The following UGT2B17 variants were observed in gnomAD, a reference collection of about 807,000 sequenced individuals.
UGT2B17 encodes UDP glucuronosyltransferase family 2 member B17.
In UGT2B17, 21 loss-of-function variants were observed where a neutral mutation model predicts 48.2. That is an observed-to-expected ratio of 0.44 (90% confidence interval 0.31 to 0.63). The LOEUF (loss-of-function observed/expected upper bound fraction) is 0.63. UGT2B17 is among the 20% of genes least tolerant of loss of function. UGT2B17 has a pLI of 0.08. For missense variants in UGT2B17, 402 were observed against 696.1 expected, an observed-to-expected ratio of 0.58 and a Z score of 4.75; for synonymous variants, 146 against 238.4, an observed-to-expected ratio of 0.61 and a Z score of 3.57.
chr4:68,549,471 A>C lies in UGT2B17; in HGVS notation c.1313+1206T>G, dbSNP rs1356503295. ...GAATCCATAATAAGGTAAATAGAAAAATGACAAAATGTTCACAAGATTAAA... is the reference window on the plus strand; with the variant it reads ...GAATCCATAATAAGGTAAATAGAAACATGACAAAATGTTCACAAGATTAAA... On this transcript the variant is annotated intron_variant, in intron 6 of 6. Coordinates refer to ENST00000317746, the MANE Select transcript of UGT2B17 (RefSeq NM_001077.4). 2.4e-5 allele frequency among the ~76,000 whole-genome samples: 3 copies of C among 125,670 alleles called. 1 individual carries two copies. Among genetic ancestry groups the C allele is most frequent in the African/African-American group, 8.1e-5 (3 of 36,922 alleles). 82.4% of individuals were successfully genotyped at this position (125,670 alleles called of 152,430 possible).
In UGT2B17 at chr4:68,545,504, A is replaced by G. The variant is rs1444330166; in HGVS notation, c.1313+5173T>C. Among the ~76,000 whole-genome samples, 10 of 125,786 alleles carry G rather than the reference A, an allele frequency of 8.0e-5. 3 individuals are homozygous for G. Among genetic ancestry groups the G allele is most frequent in the Non-Finnish European group, 1.3e-4 (8 of 59,592 alleles). 82.5% of individuals were successfully genotyped at this position (125,786 alleles called of 152,430 possible). On this transcript the variant is annotated intron_variant, in intron 6 of 6. Transcript: ENST00000317746. ...TCTAAAATTGACACCCTAACGTCAC[A>G]ATTAAAAGAACTAGAGAAGCAAGAG...
chr4:68,545,854 C>A (rs1730792665), intron 6 of UGT2B17, among the ~76,000 whole-genome samples: 1 of 125,696 alleles, frequency 8.0e-6, no homozygotes, highest in Non-Finnish European at 1.7e-5. Flanking sequence ...GACACACACA[C>A]CCTCCCAAGA....
rs1479827918 is a variant in UGT2B17, at chr4:68,576,113, G to A, written c.-227C>T. Among the ~76,000 whole-genome samples the A allele has an allele frequency of 3.2e-4, 40 of 124,792 alleles. 7 individuals are homozygous for A. The highest frequency in any genetic ancestry group is 9.1e-4 in the African/African-American group (33 of 36,330). 81.9% of individuals were successfully genotyped at this position (124,792 alleles called of 152,430 possible). On this transcript the variant is annotated 5_prime_UTR_variant, in exon 1 of 7. Coordinates refer to ENST00000317746, the MANE Select transcript of UGT2B17 (RefSeq NM_001077.4). ...TTGGATCTCATCACTCAGGCTGCCC[G>A]GAGTACCCCACAGGGATGCTCCACA...
At chr4:68,557,029 T>C (rs1731014085) in intron 4 of UGT2B17, among the ~76,000 whole-genome samples, 1 of 125,594 alleles carries the variant, frequency 8.0e-6, no homozygotes. Flanking sequence ...CAGGGAACAT[T>C]GTCAAACATG....
chr4:68,561,816 G>A lies in UGT2B17; in HGVS notation c.874-1148C>T, dbSNP rs1162928860. Among the ~76,000 whole-genome samples, 4 of 120,128 alleles carry A rather than the reference G, an allele frequency of 3.3e-5. 1 individual carries two copies. Among genetic ancestry groups the A allele is most frequent in the Non-Finnish European group, 6.9e-5 (4 of 57,912 alleles). 78.8% of individuals were successfully genotyped at this position (120,128 alleles called of 152,430 possible). ...AAAAAAAAAAAGAAAAAGAAAGAGA[G>A]AAAGAGGAAAAGAAATGTAGACTCA... On this transcript the variant is annotated intron_variant, in intron 3 of 6. Coordinates refer to ENST00000317746, the MANE Select transcript of UGT2B17 (RefSeq NM_001077.4).
intron 4 of UGT2B17, among the ~76,000 whole-genome samples, chr4:68,556,260 T>G (rs1730998163): frequency 8.5e-6 from 1 of 117,860 alleles, no homozygotes; most frequent in Admixed American, 8.5e-5. Flanking sequence ...TCTTAAAATA[T>G]TATGAGTTTT....
intron 1 of UGT2B17, among the ~76,000 whole-genome samples, chr4:68,572,582 G>A (rs180898340): frequency 0.041 from 5,209 of 126,142 alleles, 1,209 homozygotes; most frequent in African/African-American, 0.13. Flanking sequence ...ACGATTATGA[G>A]GGCGTGATCA....
intron 4 of UGT2B17, among the ~76,000 whole-genome samples, chr4:68,559,247 T>C (rs1371737573): frequency 8.0e-6 from 1 of 125,726 alleles, no homozygotes; most frequent in African/African-American, 2.7e-5. Context: ...ACTGCACATA[T>C]GGTGAGAAAT....
At position 68,565,026 on chromosome 4, in the gene UGT2B17, T is replaced by A. The variant is rs1257152357; in HGVS notation, c.873+546A>T. Among the ~76,000 whole-genome samples, 2 of 126,166 alleles carry A rather than the reference T, an allele frequency of 1.6e-5. 1 individual carries two copies. Among genetic ancestry groups the A allele is most frequent in the Non-Finnish European group, 3.4e-5 (2 of 59,510 alleles). 82.8% of individuals were successfully genotyped at this position (126,166 alleles called of 152,430 possible). On this transcript the variant is annotated intron_variant, in intron 3 of 6. Coordinates refer to ENST00000317746, the MANE Select transcript of UGT2B17 (RefSeq NM_001077.4). ...CCTGGCCTCTGGTTTTCTTTTTGGG[T>A]CTTTCTCATCCCCTCATCGTTTCAC...
In UGT2B17 at chr4:68,567,749, C is replaced by T; in HGVS notation, c.724+12G>A. 1 of 1,303,234 alleles carries T rather than the reference C, an allele frequency of 7.7e-7. No individual in the cohort carries two copies. The highest frequency in any genetic ancestry group is 9.8e-7 in the Non-Finnish European group (1 of 1,020,152). The allele number at this position is 1,303,234 out of a possible 1,614,324, so 80.7% of individuals were successfully genotyped here. A position where few individuals can be genotyped will look rare whatever the true frequency, so the allele number is the denominator to read the frequency against. The stretch of plus-strand genomic sequence containing the variant: ...TAGAACTTAATAAACACCAATTGGA[C>T]ACACGACTTACCTAGAACTTCACTA... On this transcript the variant is annotated intron_variant, in intron 2 of 6. Transcript: ENST00000317746.
In UGT2B17 at chr4:68,539,351, A is replaced by G. The variant is rs1182898426; in HGVS notation, c.1314-1447T>C. On this transcript the variant is annotated intron_variant, in intron 6 of 6. Transcript: ENST00000317746. ...TTATTCATTTCTGTTTTTGTTTAGC[A>G]GTTGTTTAATTGCACTGGTGTAGAG... is the stretch of plus-strand genomic sequence containing the variant. Among the ~76,000 whole-genome samples, 5 of 125,674 alleles carry G rather than the reference A, an allele frequency of 4.0e-5. 1 individual carries two copies. Among genetic ancestry groups the G allele is most frequent in the Non-Finnish European group, 8.4e-5 (5 of 59,616 alleles). 82.4% of individuals were successfully genotyped at this position (125,674 alleles called of 152,430 possible).
At chr4:68,557,320 T>C (rs111681160) in intron 4 of UGT2B17, among the ~76,000 whole-genome samples, 1,586 of 124,572 alleles carry the variant, frequency 0.013, 309 homozygotes, top group African/African-American at 0.04. Flanking sequence ...AGCCATGAAA[T>C]TCTAACAGGT....
rs192830165 is a variant in UGT2B17 at position 68,558,993 on chromosome 4, A to G, written c.1005+1544T>C. Reference sequence around the variant, plus strand: ...ATATTTGGGGTTCACAAGATTATCAATGAAATATTCAAATATATAAGAATT... The same window carrying G: ...ATATTTGGGGTTCACAAGATTATCAGTGAAATATTCAAATATATAAGAATT... On this transcript the variant is annotated intron_variant, in intron 4 of 6. Transcript: ENST00000317746. Among the ~76,000 whole-genome samples, 286 of 126,136 alleles carry G rather than the reference A, an allele frequency of 2.3e-3. 50 individuals are homozygous for G. The highest frequency in any genetic ancestry group is 6.8e-3 in the African/African-American group (253 of 37,122). The allele number at this position is 126,136 out of a possible 152,430, so 82.8% of individuals were successfully genotyped here. A position where few individuals can be genotyped will look rare whatever the true frequency, so the allele number is the denominator to read the frequency against.
intron 6 of UGT2B17, among the ~76,000 whole-genome samples, chr4:68,545,125 T>C (rs1401228990): frequency 7.9e-6 from 1 of 126,030 alleles, no homozygotes; most frequent in Non-Finnish European, 1.7e-5. Flanking sequence ...ATGTACATTC[T>C]TTTCAGCACC....
rs1293075525 is a variant in UGT2B17, at chr4:68,541,744, CT to C, written c.1314-3841del. On this transcript the variant is annotated intron_variant, in intron 6 of 6. Coordinates refer to ENST00000317746, the MANE Select transcript of UGT2B17 (RefSeq NM_001077.4). ...CACGCCTATGTCCTGAATGATGTTG[CT>C]TAGGTTTTCTTCCAGGGTTTTTATG... Among the ~76,000 whole-genome samples the C allele has an allele frequency of 2.4e-5, 3 of 126,622 alleles. 1 individual carries two copies. Among genetic ancestry groups the C allele is most frequent in the African/African-American group, 8.1e-5 (3 of 37,010 alleles). The allele number at this position is 126,622 out of a possible 152,430, so 83.1% of individuals were successfully genotyped here. A position where few individuals can be genotyped will look rare whatever the true frequency, so the allele number is the denominator to read the frequency against.
chr4:68,541,047 TTGA>T (rs1336774381), intron 6 of UGT2B17, among the ~76,000 whole-genome samples: 2 of 126,178 alleles, frequency 1.6e-5, no homozygotes, highest in Non-Finnish European at 3.4e-5. Flanking sequence ...CAGTCTATCA[TTGA>T]TGAGTATTTG....
In UGT2B17 at chr4:68,565,247, A is replaced by C. The variant is rs1446544320; in HGVS notation, c.873+325T>G. 2.3e-4 allele frequency among the ~76,000 whole-genome samples: 29 copies of C among 126,084 alleles called. 5 individuals carry two copies. Among genetic ancestry groups the C allele is most frequent in the African/African-American group, 7.3e-4 (27 of 36,862 alleles). The allele number at this position is 126,084 out of a possible 152,430, so 82.7% of individuals were successfully genotyped here. A position where few individuals can be genotyped will look rare whatever the true frequency, so the allele number is the denominator to read the frequency against. On this transcript the variant is annotated intron_variant, in intron 3 of 6. Transcript: ENST00000317746. ...ACTGTGCTACCTTTATTCTCTGAAA[A>C]TCCAGCACTTACCTGTGGTTTGCAT... is the stretch of plus-strand genomic sequence containing the variant.
rs532410352 is a variant in UGT2B17, at chr4:68,571,760, T to C, written c.-64-3212A>G. On this transcript the variant is annotated intron_variant, in intron 1 of 6. Transcript: ENST00000317746. ...TCCACAAACATAATATGAGGTGACTTGTAGAGACTGGGCTACGTGTTAGGC... is the reference window on the plus strand; with the variant it reads ...TCCACAAACATAATATGAGGTGACTCGTAGAGACTGGGCTACGTGTTAGGC... 6.4e-5 allele frequency among the ~76,000 whole-genome samples: 8 copies of C among 125,748 alleles called. 1 individual carries two copies. The highest frequency in any genetic ancestry group is 2.2e-4 in the African/African-American group (8 of 36,714). The allele number at this position is 125,748 out of a possible 152,430, so 82.5% of individuals were successfully genotyped here.
intron 6 of UGT2B17, among the ~76,000 whole-genome samples, chr4:68,538,297 A>G (rs1730591365): frequency 8.0e-6 from 1 of 124,914 alleles, no homozygotes; most frequent in African/African-American, 2.8e-5. Context: ...GTGCAGTCAC[A>G]TGATCATGGC....
Sources: allele counts gnomAD v4.1 joint callset (sites outside exome capture counted in the v4.1 genomes callset), GRCh38; gene constraint gnomAD v4.1.1; transcripts MANE v1.5; gene names NCBI Gene and HGNC (gene_info 2026-07-23, HGNC 2026-07-21).